TUT4: variants seen among roughly 807,000 people sequenced by gnomAD.
The protein encoded by TUT4 is terminal uridylyltransferase 4.
TUT4 carries 36 observed loss-of-function variants against 192.2 expected under a neutral mutation model. That is an observed-to-expected ratio of 0.19 (90% CI 0.14 to 0.25). TUT4 has a LOEUF of 0.25. TUT4 is among the 10% of genes least tolerant of loss of function. The pLI is 1.00. For missense variants in TUT4, 1,493 were observed against 1,957.2 expected (o/e 0.76, Z 4.47); for synonymous variants, 618 against 666.0 (o/e 0.93, Z 1.11).
At chr1:52,495,156 C>T (rs1672143037) in intron 6 of TUT4, among the ~76,000 whole-genome samples, 1 of 152,094 alleles carries the variant, frequency 6.6e-6, no homozygotes, top group Non-Finnish European at 1.5e-5. Flanking sequence ...TACTGCTTAC[C>T]AGAAGTATTA....
intron 8 of TUT4, among the ~76,000 whole-genome samples, chr1:52,489,511 T>C (rs1670621342): frequency 6.6e-6 from 1 of 152,222 alleles, no homozygotes; most frequent in Non-Finnish European, 1.5e-5. Context: ...GCTTTCACAA[T>C]TGTACTAATA....
intron 4 of TUT4, among the ~76,000 whole-genome samples, chr1:52,499,460 G>C (rs1276304900): frequency 6.6e-6 from 1 of 152,202 alleles, no homozygotes; most frequent in African/African-American, 2.4e-5. Flanking sequence ...ACATGGCTGG[G>C]CATGGTGGCT....
intron 29 of TUT4, 21 bp downstream of exon 29, chr1:52,425,328 C>T (rs1649485466): frequency 6.2e-7 from 1 of 1,608,352 alleles, no homozygotes; most frequent in Non-Finnish European, 8.5e-7. Flanking sequence ...AGCCTGTTAA[C>T]TAATTTGTAA....
intron 1 of TUT4, among the ~76,000 whole-genome samples, chr1:52,532,367 C>G (rs1444334440): frequency 6.6e-6 from 1 of 151,734 alleles, no homozygotes; most frequent in African/African-American, 2.4e-5. Flanking sequence ...ACTCTGTCAC[C>G]CACGCTGGAG....
intron 19 of TUT4, among the ~76,000 whole-genome samples, chr1:52,460,591 C>A (rs1001212820): frequency 1.3e-5 from 2 of 152,134 alleles, no homozygotes; most frequent in African/African-American, 2.4e-5. Context: ...CTTCCACTAA[C>A]ACATTAATAA....
chr1:52,519,437 T>C (rs1328464160), intron 2 of TUT4, among the ~76,000 whole-genome samples: 2 of 152,108 alleles, frequency 1.3e-5, no homozygotes, highest in African/African-American at 4.8e-5. Flanking sequence ...CAGAATTAGA[T>C]AGTGATGGCA....
At chr1:52,465,682 T>A (rs904984946) in intron 15 of TUT4, among the ~76,000 whole-genome samples, 4 of 152,224 alleles carry the variant, frequency 2.6e-5, no homozygotes, top group Non-Finnish European at 5.9e-5. Context: ...AATAAATTAG[T>A]TCTTTCAAAG....
At position 52,475,340 on chromosome 1, in the gene TUT4, T is replaced by C. The variant is rs779866128; in HGVS notation, c.2219A>G (p.Asn740Ser). The part of the protein sequence containing the change: ...ISNKKPVKSN[N>S]MATNGCILLG... Reference sequence around the variant, plus strand: ...CAGAATACAACCATTGGTTGCCATATTGTTCGACTTGACTGGTTTCTTATT... The same window carrying C: ...CAGAATACAACCATTGGTTGCCATACTGTTCGACTTGACTGGTTTCTTATT... The change falls in exon 13 of 30, where the codon AAT (asparagine) becomes AGT (serine). Residue 740 changes from asparagine (N) to serine (S), a missense_variant. Asn to Ser is a conservative substitution (Grantham distance 46). This residue lies in a region of TUT4 where 245 missense variants were observed against 218.4 expected (regional missense o/e 1.12). Coordinates refer to ENST00000257177, the MANE Select transcript of TUT4 (RefSeq NM_001009881.3). 2 of 1,614,162 alleles carry C rather than the reference T, an allele frequency of 1.2e-6. No individual in the cohort carries two copies. Among genetic ancestry groups the C allele is most frequent in the Non-Finnish European group, 1.7e-6 (2 of 1,180,014 alleles).
chr1:52,425,418 C>T lies in TUT4; in HGVS notation c.4801G>A (p.Gly1601Ser), dbSNP rs760973120. 1.7e-5 allele frequency: 28 copies of T among 1,613,810 alleles called. No homozygotes were observed. The highest frequency in any genetic ancestry group is 2.2e-5 in the East Asian group (1 of 44,880). The change falls in exon 29 of 30, where the codon GGT (glycine) becomes AGT (serine). Residue 1601 changes from glycine to serine, a missense_variant. Gly to Ser is a moderately conservative substitution (Grantham distance 56). Transcript: ENST00000257177. ...TGATGCATGAAGTTTTGATGCAAAC[C>T]ATAAGGCCACGAAGCTGGGACAAGG... is the stretch of plus-strand genomic sequence containing the variant. ...FPLVPASWPY[G>S]LHQNFMHQGN...
At position 52,495,503 on chromosome 1, in the gene TUT4, C is replaced by G. The variant is rs1269751974; in HGVS notation, c.1190G>C (p.Arg397Thr). Residue 397 changes from arginine to threonine, a missense_variant, in exon 6 of 30, where the codon AGG (arginine) becomes ACG (threonine). Transcript: ENST00000257177. The part of the protein sequence containing the change: ...ITTFLPECSL[R>T]LYGSSLTRFA... ...TCTAGTCAGAGATGAGCCATACAAC[C>G]TAAGTGAACATTCTGGAATAAAGGA... 6.2e-7 allele frequency: 1 copy of G among 1,608,046 alleles called. No individual in the cohort carries two copies. The highest frequency in any genetic ancestry group is 8.5e-7 in the Non-Finnish European group (1 of 1,176,724).
At chr1:52,472,528 A>C (rs1666030450) in intron 13 of TUT4, among the ~76,000 whole-genome samples, 1 of 151,320 alleles carries the variant, frequency 6.6e-6, no homozygotes, top group African/African-American at 2.4e-5. Context: ...CAGAACCCTC[A>C]CTTAGTTGGT....
chr1:52,464,924 C>T, intron 16 of TUT4, 146 bp downstream of exon 16: 1 of 536,710 alleles, frequency 1.9e-6, no homozygotes, highest in Non-Finnish European at 3.1e-6. Flanking sequence ...GAAAATGCTA[C>T]TGTTTTCATA....
At chr1:52,482,406 A>C (rs998266766) in intron 9 of TUT4, among the ~76,000 whole-genome samples, 1 of 152,188 alleles carries the variant, frequency 6.6e-6, no homozygotes, top group African/African-American at 2.4e-5. Flanking sequence ...ACAATATATC[A>C]AGAAAGTCCC....
intron 24 of TUT4, among the ~76,000 whole-genome samples, chr1:52,444,971 GTA>G (rs563748333): frequency 1.4e-3 from 203 of 148,856 alleles, no homozygotes; most frequent in Non-Finnish European, 2.0e-3. Context: ...GTATATACAT[GTA>G]TATGTGTGTA....
At chr1:52,456,112 A>G (rs948852321) in intron 20 of TUT4, among the ~76,000 whole-genome samples, 3 of 152,132 alleles carry the variant, frequency 2.0e-5, no homozygotes, top group Non-Finnish European at 4.4e-5. Context: ...AGCACTAAAA[A>G]GAAATGATAG....
At chr1:52,486,746 T>C (rs556673578) in intron 9 of TUT4, among the ~76,000 whole-genome samples, 3 of 152,328 alleles carry the variant, frequency 2.0e-5, no homozygotes, top group African/African-American at 4.8e-5. Flanking sequence ...TATGTTTCAG[T>C]GTCCATTGAC....
At chr1:52,530,234 G>C (rs1031479370) in intron 1 of TUT4, among the ~76,000 whole-genome samples, 3 of 141,766 alleles carry the variant, frequency 2.1e-5, no homozygotes, top group Admixed American at 7.4e-5. Flanking sequence ...ACTCCAGCCT[G>C]GGTGACAGAG....
chr1:52,451,858 A>G (rs1455761274), intron 20 of TUT4, among the ~76,000 whole-genome samples: 1 of 151,072 alleles, frequency 6.6e-6, no homozygotes, highest in Non-Finnish European at 1.5e-5. Context: ...AAAAAAAAAG[A>G]CACAATATGC....
chr1:52,470,425 T>G (rs1330823961), intron 14 of TUT4, among the ~76,000 whole-genome samples: 3 of 152,152 alleles, frequency 2.0e-5, no homozygotes, highest in Non-Finnish European at 2.9e-5. Flanking sequence ...CCAGCCATTC[T>G]AAGTATTTAG....
Sources: allele counts gnomAD v4.1 joint callset (sites outside exome capture counted in the v4.1 genomes callset), GRCh38; gene constraint gnomAD v4.1.1; regional missense constraint gnomAD v4.1.1; transcripts MANE v1.5; gene names NCBI Gene and HGNC (gene_info 2026-07-23, HGNC 2026-07-21).